ADD1: variants seen among roughly 807,000 people sequenced by gnomAD.
ADD1 encodes the protein alpha-adducin.
In ADD1, 24 loss-of-function variants were observed where a neutral mutation model predicts 80.5. The observed-to-expected ratio is 0.30, with a 90% CI of 0.22 to 0.42. The LOEUF is 0.42. Ranked by LOEUF, ADD1 falls within the 10% of genes least tolerant of loss-of-function variation. The pLI is 1.00. For missense variants in ADD1, 948 were observed against 1,019.0 expected, an observed-to-expected ratio of 0.93 and a Z score of 0.95; for synonymous variants, 373 against 393.8, an observed-to-expected ratio of 0.95 and a Z score of 0.63.
chr4:2,926,815 T>C lies in ADD1; in HGVS notation c.2047+703T>C, dbSNP rs1226659202. 2.1e-6 allele frequency: 2 copies of C among 968,100 alleles called. No homozygotes were observed. Among genetic ancestry groups the C allele is most frequent in the Non-Finnish European group, 3.1e-6 (2 of 655,344 alleles). The allele number at this position is 968,100 out of a possible 1,614,324, so 60.0% of individuals were successfully genotyped here. On this transcript the variant is annotated intron_variant, in intron 15 of 15. Transcript: ENST00000683351. The surrounding 1 kb of genome is among the most constrained non-coding windows in gnomAD (Gnocchi z 5.0). ...CCCCCCTTTTTTGTACCCAGTCCCTTGGAGGCCTTCCTGGAAGTGGTTCAG... is the reference window on the plus strand; with the variant it reads ...CCCCCCTTTTTTGTACCCAGTCCCTCGGAGGCCTTCCTGGAAGTGGTTCAG...
intron 1 of ADD1, among the ~76,000 whole-genome samples, chr4:2,857,982 T>C (rs1728318758): frequency 6.6e-6 from 1 of 152,214 alleles, no homozygotes; most frequent in Admixed American, 6.5e-5. Flanking sequence ...TTATTTAAGA[T>C]CTGCTGCATT....
intron 1 of ADD1, among the ~76,000 whole-genome samples, chr4:2,857,441 C>T (rs551182021): frequency 6.6e-6 from 1 of 152,064 alleles, no homozygotes; most frequent in Non-Finnish European, 1.5e-5. Flanking sequence ...AACCCTGTCT[C>T]TACATAAAAT....
intron 1 of ADD1, among the ~76,000 whole-genome samples, chr4:2,853,445 G>A (rs749047350): frequency 6.6e-6 from 1 of 152,034 alleles, no homozygotes; most frequent in Non-Finnish European, 1.5e-5. Context: ...CTCTCTAGAA[G>A]CATCTCTTTA....
At chr4:2,899,528 G>T in intron 9 of ADD1, 93 bp downstream of exon 9, 1 of 1,382,724 alleles carries the variant, frequency 7.2e-7, no homozygotes, top group Non-Finnish European at 1.0e-6. Context: ...TGTCTTTTAT[G>T]CAGTATCTGA....
intron 13 of ADD1, among the ~76,000 whole-genome samples, chr4:2,913,002 G>A (rs971328482): frequency 6.6e-6 from 1 of 151,922 alleles, no homozygotes; most frequent in African/African-American, 2.4e-5. Context: ...CCACTACCAC[G>A]CCTGGTTAAT....
intron 1 of ADD1, among the ~76,000 whole-genome samples, chr4:2,850,215 C>T (rs1305389752): frequency 1.3e-5 from 2 of 152,200 alleles, no homozygotes; most frequent in Non-Finnish European, 1.5e-5. Flanking sequence ...ACACAAGAGA[C>T]CATGTGCTTC....
intron 14 of ADD1, among the ~76,000 whole-genome samples, chr4:2,922,180 G>T (rs920114441): frequency 6.6e-6 from 1 of 152,026 alleles, no homozygotes; most frequent in East Asian, 1.9e-4. Context: ...TTCCCTTGCT[G>T]GTGAGGAGTT....
At chr4:2,914,519 C>G (rs1577700412) in intron 13 of ADD1, among the ~76,000 whole-genome samples, 1 of 152,362 alleles carries the variant, frequency 6.6e-6, no homozygotes, top group East Asian at 1.9e-4. Context: ...GGAAAACTTA[C>G]TGACTTTTAA....
intron 13 of ADD1, among the ~76,000 whole-genome samples, chr4:2,911,322 G>T (rs1416453612): frequency 6.6e-6 from 1 of 152,016 alleles, no homozygotes. Flanking sequence ...TGCAAGTGTT[G>T]CCTTCTGATA....
intron 4 of ADD1, among the ~76,000 whole-genome samples, chr4:2,888,331 G>A (rs538518337): frequency 1.1e-3 from 173 of 150,944 alleles, no homozygotes; most frequent in Admixed American, 3.5e-3. Flanking sequence ...CGCCTGCCTC[G>A]GCCTCCCAAA....
At chr4:2,904,300 C>G (rs1736674740) in intron 9 of ADD1, among the ~76,000 whole-genome samples, 1 of 152,120 alleles carries the variant, frequency 6.6e-6, no homozygotes, top group African/African-American at 2.4e-5. Context: ...TTGTCCCATC[C>G]CAGGGGTGAC....
chr4:2,910,227 T>TA (rs1737799131), intron 13 of ADD1, among the ~76,000 whole-genome samples: 1 of 151,588 alleles, frequency 6.6e-6, no homozygotes, highest in Non-Finnish European at 1.5e-5. Context: ...GGTATGTTTA[T>TA]ATTCTTGTCA....
chr4:2,849,693 T>C (rs1726776284), intron 1 of ADD1, among the ~76,000 whole-genome samples: 2 of 152,250 alleles, frequency 1.3e-5, no homozygotes, highest in Admixed American at 1.3e-4. Context: ...GTATTGAGAA[T>C]GATTTAGGGA....
chr4:2,922,992 C>T (rs1740326595), intron 14 of ADD1, among the ~76,000 whole-genome samples: 1 of 152,232 alleles, frequency 6.6e-6, no homozygotes, highest in Non-Finnish European at 1.5e-5. Flanking sequence ...CTCCCCCCAC[C>T]AAGCTCCAGC....
chr4:2,894,242 A>G, intron 5 of ADD1, 149 bp downstream of exon 5: 2 of 691,342 alleles, frequency 2.9e-6, no homozygotes, highest in East Asian at 2.6e-5. Flanking sequence ...AACCTTTGAG[A>G]GAAGTTACAA....
At chr4:2,918,967 A>G (rs1221350136) in intron 14 of ADD1, among the ~76,000 whole-genome samples, 5 of 151,582 alleles carry the variant, frequency 3.3e-5, no homozygotes. Context: ...CAGCCTCCTG[A>G]GTACTTGAGA....
rs140453597 is a variant in ADD1, at chr4:2,914,750, C to T, written c.1792-134C>T. ...TGCAGCTCAGCCTAGGCCTCGGGCCCATGGCAGTGCAGTCTCAGGGGTCTC... is the reference window on the plus strand; with the variant it reads ...TGCAGCTCAGCCTAGGCCTCGGGCCTATGGCAGTGCAGTCTCAGGGGTCTC... On this transcript the variant is annotated intron_variant, in intron 13 of 15. Coordinates refer to ENST00000683351, the MANE Select transcript of ADD1 (RefSeq NM_001354761.2). 36 of 1,008,094 alleles carry T rather than the reference C, an allele frequency of 3.6e-5. No homozygotes were observed. In the Middle Eastern group the frequency reaches 1.0e-3, roughly 28 times the overall value. The allele number at this position is 1,008,094 out of a possible 1,614,324, so 62.4% of individuals were successfully genotyped here. A position where few individuals can be genotyped will look rare whatever the true frequency, so the allele number is the denominator to read the frequency against.
intron 14 of ADD1, among the ~76,000 whole-genome samples, chr4:2,918,514 TTGCCTGA>T (rs1472234984): frequency 6.6e-6 from 1 of 152,198 alleles, no homozygotes; most frequent in East Asian, 1.9e-4. Context: ...TTTTTTTCTC[TTGCCTGA>T]TTGCCGTGGC....
intron 1 of ADD1, among the ~76,000 whole-genome samples, chr4:2,852,756 CG>C (rs1293768230): frequency 1.4e-5 from 2 of 141,722 alleles, no homozygotes; most frequent in Non-Finnish European, 3.0e-5. Context: ...TGAAGTGCAG[CG>C]GTGCGATCTT....
Sources: allele counts gnomAD v4.1 joint callset (sites outside exome capture counted in the v4.1 genomes callset), GRCh38; gene constraint gnomAD v4.1.1; non-coding constraint Gnocchi (gnomAD v3.1); transcripts MANE v1.5; gene names NCBI Gene and HGNC (gene_info 2026-07-23, HGNC 2026-07-21).